SPOPL: variants seen among roughly 807,000 people sequenced by gnomAD.
SPOPL encodes the protein speckle-type POZ protein-like.
A neutral mutation model predicts 53.8 loss-of-function variants in SPOPL; 23 were observed. The ratio of observed to expected loss-of-function variants is 0.43; its 90% CI spans 0.31 to 0.61. The LOEUF (loss-of-function observed/expected upper bound fraction) is 0.61. SPOPL is among the 20% of genes least tolerant of loss of function. The probability of loss-of-function intolerance (pLI) is 0.12; values close to 1 mark genes in which losing one functional copy is unlikely to be tolerated. For synonymous variants in SPOPL, 164 were observed against 149.7 expected, an observed-to-expected ratio of 1.10 and a Z score of -0.70; for missense variants, 442 against 466.9, an observed-to-expected ratio of 0.95 and a Z score of 0.49.
intron 5 of SPOPL, among the ~76,000 whole-genome samples, chr2:138,556,789 C>T (rs1411197527): frequency 6.6e-6 from 1 of 152,056 alleles, no homozygotes; most frequent in Non-Finnish European, 1.5e-5. Context: ...GTAATAAATG[C>T]TTATTGGTCA....
chr2:138,527,624 C>T (rs994668928), intron 1 of SPOPL, among the ~76,000 whole-genome samples: 1 of 152,170 alleles, frequency 6.6e-6, no homozygotes, highest in Non-Finnish European at 1.5e-5. Context: ...ACCATTCAGT[C>T]CCCTGAATTG....
At chr2:138,552,086 G>A (rs2104893276) in intron 4 of SPOPL, among the ~76,000 whole-genome samples, 1 of 152,066 alleles carries the variant, frequency 6.6e-6, no homozygotes. Context: ...TCGGTGGGAT[G>A]GGTATGTCAG....
rs953480576 is a variant in SPOPL at position 138,573,122 on chromosome 2, A to G, written c.*4042A>G. ...ATTGAACTTTTCAGCCTCGTTTTTA[A>G]TTAGCTGATGTTAATGATAAGATAC... On this transcript the variant is annotated 3_prime_UTR_variant, in exon 11 of 11. Transcript: ENST00000280098. The G allele has an allele frequency of 2.6e-5, 4 of 152,142 alleles. No homozygotes were observed. The highest frequency in any genetic ancestry group is 9.7e-5 in the African/African-American group (4 of 41,444). 9.4% of individuals were successfully genotyped at this position (152,142 alleles called of 1,614,324 possible).
intron 1 of SPOPL, among the ~76,000 whole-genome samples, chr2:138,547,376 A>G (rs1685218962): frequency 1.3e-5 from 2 of 152,218 alleles, no homozygotes; most frequent in Admixed American, 6.5e-5. Flanking sequence ...TTCTAGAGAT[A>G]TTGAAGAACT....
chr2:138,534,287 T>C (rs536608333), intron 1 of SPOPL, among the ~76,000 whole-genome samples: 3 of 151,956 alleles, frequency 2.0e-5, no homozygotes, highest in Non-Finnish European at 4.4e-5. Flanking sequence ...GGAAAAAAAA[T>C]TAACAATACA....
At chr2:138,533,174 A>G (rs1258286968) in intron 1 of SPOPL, among the ~76,000 whole-genome samples, 1 of 152,226 alleles carries the variant, frequency 6.6e-6, no homozygotes, top group East Asian at 1.9e-4. Context: ...TTTAATAAAC[A>G]AAGGAGAGGC....
intron 1 of SPOPL, among the ~76,000 whole-genome samples, chr2:138,544,685 G>C (rs905769060): frequency 3.9e-5 from 6 of 152,224 alleles, no homozygotes; most frequent in Non-Finnish European, 8.8e-5. Context: ...TGCTTCCCGG[G>C]TGAGGTGATG....
In SPOPL at chr2:138,552,640, A is replaced by G; in HGVS notation, c.439A>G (p.Asn147Asp). The G allele has an allele frequency of 6.2e-7, 1 of 1,613,156 alleles. No individual in the cohort carries two copies. The highest frequency in any genetic ancestry group is 8.5e-7 in the Non-Finnish European group (1 of 1,179,358). ...IRRDFLLDEA[N>D]GLLPDDKLTL... ...AAGGGACTTTTTGCTTGATGAAGCTAATGGTCTTTTACCAGATGACAAGCT... is the reference window on the plus strand; with the variant it reads ...AAGGGACTTTTTGCTTGATGAAGCTGATGGTCTTTTACCAGATGACAAGCT... The change falls in exon 5 of 11, where the codon AAT becomes GAT. Residue 147 changes from asparagine (N) to aspartate (D), a missense_variant. Transcript: ENST00000280098.
Position 138,510,897 on chromosome 2 carries a change from A to G in SPOPL, c.-61+8778A>G, listed in dbSNP as rs1573866265. The stretch of plus-strand genomic sequence containing the variant: ...AATACAGGAAGCTACCAAATGTCTA[A>G]GTGAATTTAATTTCATTTAATTAAA... On this transcript the variant is annotated intron_variant, in intron 1 of 10. Transcript: ENST00000280098. Among the ~76,000 whole-genome samples, 18 of 152,318 alleles carry G rather than the reference A, an allele frequency of 1.2e-4. No homozygotes were observed. The South Asian group carries it at 3.7e-3, about 32-fold the overall frequency.
chr2:138,563,500 A>G (rs1436574881), intron 8 of SPOPL, among the ~76,000 whole-genome samples: 2 of 152,288 alleles, frequency 1.3e-5, no homozygotes, highest in Admixed American at 1.3e-4. Flanking sequence ...AAGATACTCA[A>G]CATCATTAGG....
chr2:138,554,478 AC>A (rs1442567203), intron 5 of SPOPL: 1 of 1,289,824 alleles, frequency 7.8e-7, no homozygotes, highest in African/African-American at 1.5e-5. Flanking sequence ...GAAGCATTGC[AC>A]TACCCTTCCT....
At chr2:138,523,990 G>C (rs1684614418) in intron 1 of SPOPL, among the ~76,000 whole-genome samples, 1 of 152,118 alleles carries the variant, frequency 6.6e-6, no homozygotes, top group African/African-American at 2.4e-5. Flanking sequence ...GATTCTGTTG[G>C]GGGAGGGCTC....
chr2:138,505,600 A>G (rs1399271018), intron 1 of SPOPL, among the ~76,000 whole-genome samples: 1 of 83,566 alleles, frequency 1.2e-5, no homozygotes, highest in African/African-American at 3.0e-5. Flanking sequence ...CTTCTAAAAA[A>G]AAAAAAAAAA....
intron 5 of SPOPL, among the ~76,000 whole-genome samples, chr2:138,558,807 A>G (rs960752949): frequency 3.9e-5 from 6 of 152,196 alleles, no homozygotes; most frequent in Admixed American, 3.9e-4. Context: ...ATTTATTTAC[A>G]TAGAATAAAT....
intron 1 of SPOPL, among the ~76,000 whole-genome samples, chr2:138,542,419 C>G (rs1043061263): frequency 1.3e-5 from 2 of 152,106 alleles, no homozygotes; most frequent in Admixed American, 6.5e-5. Context: ...CTGGGTGCTC[C>G]TGTATTGGGT....
chr2:138,520,466 T>C (rs1345794833), intron 1 of SPOPL, among the ~76,000 whole-genome samples: 1 of 152,242 alleles, frequency 6.6e-6, no homozygotes, highest in Non-Finnish European at 1.5e-5. Context: ...TGGTTTCAGC[T>C]ATTTGTAATT....
chr2:138,519,776 A>G (rs980009377), intron 1 of SPOPL, among the ~76,000 whole-genome samples: 1 of 152,194 alleles, frequency 6.6e-6, no homozygotes, highest in African/African-American at 2.4e-5. Context: ...TGAGTGACGG[A>G]GTGAGACTCT....
chr2:138,561,744 T>G (rs1343720164), intron 8 of SPOPL, among the ~76,000 whole-genome samples: 1 of 152,170 alleles, frequency 6.6e-6, no homozygotes, highest in Non-Finnish European at 1.5e-5. Context: ...AAAAGAGGGT[T>G]AAAACCTACA....
chr2:138,525,666 A>AAAACAAAC lies in SPOPL; in HGVS notation c.-61+23550_-61+23551insCAAACAAA, dbSNP rs1553468805. On this transcript the variant is annotated intron_variant, in intron 1 of 10. Transcript: ENST00000280098. ...TCAGTATAAAAAGTAGAAAAAAAAAAAAAAAAAATACACAAAAAACAATTA... is the reference window on the plus strand; with the variant it reads ...TCAGTATAAAAAGTAGAAAAAAAAAAAAACAAACAAAAAAAATACACAAAAAACAATTA... 6.0e-5 allele frequency among the ~76,000 whole-genome samples: 9 copies of AAAACAAAC among 150,418 alleles called. 1 individual carries two copies. The highest frequency in any genetic ancestry group is 4.6e-4 in the Admixed American group (7 of 15,070).
Sources: gnomAD v4.1 joint callset for allele counts (sites outside exome capture counted in the v4.1 genomes callset) on GRCh38, gnomAD v4.1.1 for gene constraint, MANE v1.5 for transcripts, NCBI Gene and HGNC (gene_info 2026-07-23, HGNC 2026-07-21) for gene names.